MINDY4: variants seen among roughly 807,000 people sequenced by gnomAD.
The protein encoded by MINDY4 is probable ubiquitin carboxyl-terminal hydrolase MINDY-4.
Under a neutral mutation model 87.0 loss-of-function variants are expected in MINDY4, and 68 were observed. The observed-to-expected ratio is 0.78, with a 90% CI of 0.64 to 0.96. The LOEUF is 0.96. Ranked by LOEUF, MINDY4 falls within the 40% of genes least tolerant of loss-of-function variation. MINDY4 has a pLI of 0.00. For missense variants in MINDY4, 919 were observed against 928.2 expected (o/e 0.99, Z 0.13); for synonymous variants, 379 against 363.2 (o/e 1.04, Z -0.50).
intron 6 of MINDY4, among the ~76,000 whole-genome samples, chr7:30,831,113 G>C (rs534824745): frequency 2.0e-5 from 3 of 152,156 alleles, no homozygotes; most frequent in Non-Finnish European, 4.4e-5. Flanking sequence ...GGATACTGGT[G>C]AGGGGCTCTT....
chr7:30,882,471 T>C lies in MINDY4; in HGVS notation c.2152+110T>C, dbSNP rs76608657. ...CACCAACCCCCATGACAGAGAGCAG[T>C]GCAGACTCCAGCATCCAGACTGGGG... is the stretch of plus-strand genomic sequence containing the variant. On this transcript the variant is annotated intron_variant, in intron 16 of 17. Transcript: ENST00000265299. 8,542 of 976,444 alleles carry C rather than the reference T, an allele frequency of 8.7e-3. 483 individuals carry two copies. The African/African-American group carries it at 0.13, about 15-fold the overall frequency. The allele number at this position is 976,444 out of a possible 1,614,324, so 60.5% of individuals were successfully genotyped here. A position where few individuals can be genotyped will look rare whatever the true frequency, so the allele number is the denominator to read the frequency against.
Position 30,882,278 on chromosome 7 carries a change from G to A in MINDY4, c.2069G>A (p.Arg690His), listed in dbSNP as rs199649103. ...ILFSLQPGLLRDWRTERLFDL... is the reference protein window; with the variant it reads ...ILFSLQPGLLHDWRTERLFDL... ...TTTAGCCTGCAGCCGGGGCTCCTGC[G>A]TGACTGGAGGACTGAGAGGCTCTTT... is the stretch of plus-strand genomic sequence containing the variant. The change falls in exon 16 of 18, where the codon CGT (arginine) becomes CAT (histidine). Residue 690 changes from arginine to histidine, a missense_variant. By Grantham distance (29) the Arg-to-His change is conservative. Coordinates refer to ENST00000265299, the MANE Select transcript of MINDY4 (RefSeq NM_032222.3). 3.9e-4 allele frequency: 629 copies of A among 1,613,866 alleles called. 1 individual carries two copies. The highest frequency in any genetic ancestry group is 4.9e-4 in the Non-Finnish European group (581 of 1,179,900).
intron 4 of MINDY4, among the ~76,000 whole-genome samples, chr7:30,788,625 A>G (rs1787228099): frequency 6.6e-6 from 1 of 152,222 alleles, no homozygotes; most frequent in South Asian, 2.1e-4. Context: ...TGACAAAAAT[A>G]CACTATTTGT....
At chr7:30,791,688 A>T in intron 5 of MINDY4, 114 bp downstream of exon 5, 1 of 1,174,130 alleles carries the variant, frequency 8.5e-7, no homozygotes. Context: ...GTCTCTCAGA[A>T]CAAGCCTGCG....
At chr7:30,845,253 A>G (rs893538904) in intron 9 of MINDY4, among the ~76,000 whole-genome samples, 7 of 152,132 alleles carry the variant, frequency 4.6e-5, no homozygotes, top group Admixed American at 4.6e-4. Context: ...TTAAGTTAGA[A>G]AAGATGAACA....
chr7:30,851,304 C>T (rs1008722923), intron 10 of MINDY4, among the ~76,000 whole-genome samples: 1 of 152,168 alleles, frequency 6.6e-6, no homozygotes, highest in Non-Finnish European at 1.5e-5. Flanking sequence ...TGCTTATTGG[C>T]TGTGTGACGT....
At position 30,796,289 on chromosome 7, in the gene MINDY4, A is replaced by G. The variant is rs576307679; in HGVS notation, c.1073+4715A>G. The stretch of plus-strand genomic sequence containing the variant: ...CCTTGTGTGGAAAAGGCAACAGGAA[A>G]CCCACAGCCATGCCATCCCCAGAAG... On this transcript the variant is annotated intron_variant, in intron 5 of 17. Transcript: ENST00000265299. Among the ~76,000 whole-genome samples, 376 of 152,194 alleles carry G rather than the reference A, an allele frequency of 2.5e-3. 1 individual carries two copies. The highest frequency in any genetic ancestry group is 8.6e-3 in the African/African-American group (359 of 41,512).
intron 12 of MINDY4, among the ~76,000 whole-genome samples, chr7:30,854,642 G>T (rs1315520967): frequency 3.3e-5 from 5 of 152,216 alleles, no homozygotes; most frequent in African/African-American, 1.2e-4. Flanking sequence ...GGAGGGTTTG[G>T]TGGTAAGCCG....
Position 30,771,601 on chromosome 7 carries a change from G to A in MINDY4, c.63+45G>A, listed in dbSNP as rs1037485043. On this transcript the variant is annotated intron_variant, in intron 1 of 17. Transcript: ENST00000265299. ...AAAGCCCAGGAAGTGGCTCTAATTT[G>A]GGGGGATCATCGGGGTCTCCCCTGA... is the stretch of plus-strand genomic sequence containing the variant. The A allele has an allele frequency of 3.2e-6, 5 of 1,555,360 alleles. No homozygotes were observed. The African/African-American group carries it at 4.1e-5, about 13-fold the overall frequency.
chr7:30,806,689 G>A (rs929246903), intron 5 of MINDY4, among the ~76,000 whole-genome samples: 12 of 152,380 alleles, frequency 7.9e-5, no homozygotes, highest in African/African-American at 2.2e-4. Context: ...TTTTGGAAAC[G>A]TTTGTGGATT....
chr7:30,837,214 C>T (rs1788883769), intron 7 of MINDY4, among the ~76,000 whole-genome samples: 1 of 152,142 alleles, frequency 6.6e-6, no homozygotes, highest in Non-Finnish European at 1.5e-5. Context: ...CTTAAAGGGC[C>T]CCGTGGTCAC....
At chr7:30,805,273 A>G (rs1184337654) in intron 5 of MINDY4, among the ~76,000 whole-genome samples, 1 of 152,120 alleles carries the variant, frequency 6.6e-6, no homozygotes, top group Non-Finnish European at 1.5e-5. Flanking sequence ...GCCTGGAGGA[A>G]GGGGAGGTTG....
At chr7:30,855,002 C>T (rs1189359485) in intron 12 of MINDY4, among the ~76,000 whole-genome samples, 1 of 152,242 alleles carries the variant, frequency 6.6e-6, no homozygotes, top group Non-Finnish European at 1.5e-5. Flanking sequence ...GCATCGGGAG[C>T]CCCAGGCTGT....
intron 5 of MINDY4, among the ~76,000 whole-genome samples, chr7:30,817,166 C>T (rs1562540794): frequency 6.6e-6 from 1 of 152,128 alleles, no homozygotes; most frequent in Admixed American, 6.5e-5. Flanking sequence ...CCCATCCTCT[C>T]CCTGGAGCTT....
At chr7:30,794,693 A>G (rs192433925) in intron 5 of MINDY4, among the ~76,000 whole-genome samples, 5 of 152,222 alleles carry the variant, frequency 3.3e-5, no homozygotes, top group Admixed American at 1.3e-4. Flanking sequence ...CTTGGAAAAT[A>G]TGTCACCTGG....
intron 9 of MINDY4, among the ~76,000 whole-genome samples, chr7:30,846,848 C>G (rs1368760727): frequency 6.6e-6 from 1 of 152,228 alleles, no homozygotes; most frequent in African/African-American, 2.4e-5. Context: ...CTAGATCCCT[C>G]GCATGCACAA....
chr7:30,835,709 C>A (rs1175236034), intron 6 of MINDY4, among the ~76,000 whole-genome samples: 2 of 152,190 alleles, frequency 1.3e-5, no homozygotes. Flanking sequence ...TCTGGCAGGC[C>A]CCTCTAGGGA....
At chr7:30,790,702 C>T (rs905017756) in intron 4 of MINDY4, among the ~76,000 whole-genome samples, 1 of 152,168 alleles carries the variant, frequency 6.6e-6, no homozygotes, top group African/African-American at 2.4e-5. Context: ...GCCTTGGCCT[C>T]CCAAAGTGCT....
intron 9 of MINDY4, among the ~76,000 whole-genome samples, chr7:30,842,795 A>C (rs1368726368): frequency 1.3e-5 from 2 of 152,000 alleles, no homozygotes; most frequent in Non-Finnish European, 2.9e-5. Flanking sequence ...ATCCTTGCAC[A>C]CTCTTATTCC....
Sources: allele counts gnomAD v4.1 joint callset (sites outside exome capture counted in the v4.1 genomes callset), GRCh38; gene constraint gnomAD v4.1.1; transcripts MANE v1.5; gene names NCBI Gene and HGNC (gene_info 2026-07-23, HGNC 2026-07-21).